Variants in AK9 observed in about 807,000 individuals in gnomAD.
AK9 encodes adenylate kinase 9, also known as adenylate kinase domain containing 1.
In AK9, 191 loss-of-function variants were observed where a neutral mutation model predicts 239.6. The ratio of observed to expected loss-of-function variants is 0.80; its 90% CI spans 0.71 to 0.90. The LOEUF is 0.90. AK9 is among the 40% of genes least tolerant of loss of function. The pLI is 0.00. For synonymous variants in AK9, 689 were observed against 721.0 expected (o/e 0.96, Z 0.71); for missense variants, 1,995 against 2,214.7 (o/e 0.90, Z 1.99).
rs543951517 is a variant in AK9, at chr6:109,601,749, G to T, written c.1842+8616C>A. On this transcript the variant is annotated intron_variant, in intron 17 of 40. Coordinates refer to ENST00000424296, the MANE Select transcript of AK9 (RefSeq NM_001145128.3). ...GTAGGTCTCTAAGGACTTGCTTTAT[G>T]AATCTGGGTGCTCCTGTATTGGGTG... 7.9e-3 allele frequency among the ~76,000 whole-genome samples: 1,204 copies of T among 152,300 alleles called. 24 individuals are homozygous for T. The highest frequency in any genetic ancestry group is 0.026 in the African/African-American group (1,065 of 41,546).
chr6:109,546,479 A>G (rs1783582813), intron 25 of AK9, among the ~76,000 whole-genome samples: 1 of 152,282 alleles, frequency 6.6e-6, no homozygotes. Flanking sequence ...TCTATCAAAC[A>G]GAAAGCCCAC....
chr6:109,656,621 G>A, intron 8 of AK9, 135 bp downstream of exon 8: 1 of 1,017,796 alleles, frequency 9.8e-7, no homozygotes. Flanking sequence ...GCCTTTTTCT[G>A]ACAGCTTTCT....
At chr6:109,611,290 C>T (rs940412140) in intron 16 of AK9, among the ~76,000 whole-genome samples, 1 of 152,174 alleles carries the variant, frequency 6.6e-6, no homozygotes, top group Non-Finnish European at 1.5e-5. Context: ...AAAAGACTCA[C>T]AGTTCCTGGA....
chr6:109,579,924 T>G (rs965443418), intron 19 of AK9, among the ~76,000 whole-genome samples: 3 of 152,146 alleles, frequency 2.0e-5, no homozygotes, highest in African/African-American at 7.2e-5. Flanking sequence ...ATTTGTAGCA[T>G]TTTTCCTCTG....
intron 13 of AK9, among the ~76,000 whole-genome samples, 197 bp from the exon 14 acceptor site, chr6:109,614,677 C>T (rs1323120782): frequency 1.3e-5 from 2 of 151,986 alleles, no homozygotes; most frequent in Non-Finnish European, 2.9e-5. Context: ...GATCTTTAAA[C>T]TGAAAGCACT....
chr6:109,593,727 C>T (rs147737409), intron 17 of AK9, among the ~76,000 whole-genome samples: 3,240 of 152,228 alleles, frequency 0.021, 105 homozygotes, highest in African/African-American at 0.074. Context: ...AATCAATAAA[C>T]GTAATCCATC....
chr6:109,590,314 G>T (rs564501353), intron 17 of AK9, among the ~76,000 whole-genome samples: 3 of 152,140 alleles, frequency 2.0e-5, no homozygotes, highest in East Asian at 3.9e-4. Context: ...ATATTTCTAA[G>T]AACTTATCCA....
intron 21 of AK9, among the ~76,000 whole-genome samples, chr6:109,565,404 G>A (rs1786337339): frequency 6.6e-6 from 1 of 152,114 alleles, no homozygotes; most frequent in Admixed American, 6.6e-5. Flanking sequence ...GATCCCAGGA[G>A]TTCAAGTTAC....
At chr6:109,690,322 T>C (rs1774154446) in intron 1 of AK9, 1 of 152,220 alleles carries the variant, frequency 6.6e-6, no homozygotes, top group African/African-American at 2.4e-5. Flanking sequence ...AAAGGAGACG[T>C]GGTTTTAAAA....
rs145813909 is a variant in AK9, at chr6:109,633,242, A to T, written c.1015T>A (p.Cys339Ser). The change falls in exon 11 of 41, where the codon TGT becomes AGT. Residue 339 changes from cysteine to serine, a missense_variant. Around this residue, in one of 5 missense-constraint regions of AK9, gnomAD observed 1,290 missense variants for 1,392.7 expected, o/e 0.93. Coordinates refer to ENST00000424296, the MANE Select transcript of AK9 (RefSeq NM_001145128.3). The part of the protein sequence containing the change: ...RWQRSKWGRT[C>S]PVNLKDGNIY... ...TTACCATCTTTTAAATTCACAGGAC[A>T]TGTACGTCCCCATTTACTTCTTTGC... The T allele has an allele frequency of 9.9e-5, 160 of 1,609,350 alleles. No individual in the cohort carries two copies. Among genetic ancestry groups the T allele is most frequent in the Non-Finnish European group, 2.0e-5 (24 of 1,179,142 alleles).
In AK9 at chr6:109,575,072, A is replaced by AAT. The variant is rs566593122; in HGVS notation, c.2192-1480_2192-1479dup. Among the ~76,000 whole-genome samples the AAT allele has an allele frequency of 2.5e-4, 38 of 152,070 alleles. No individual in the cohort carries two copies. In the South Asian group the frequency reaches 2.7e-3, roughly 11 times the overall value. ...TTTATGGCTCAGTAGTATTCCATGG[A>AAT]ATATATATATATCACATGTTCTTTA... On this transcript the variant is annotated intron_variant, in intron 20 of 40. Transcript: ENST00000424296.
chr6:109,547,846 CAAAAAAA>C (rs55899214), intron 25 of AK9, among the ~76,000 whole-genome samples: 2 of 121,850 alleles, frequency 1.6e-5, no homozygotes, highest in Admixed American at 7.8e-5. Flanking sequence ...AGCTCAGTAG[CAAAAAAA>C]AAAAAAAAAA....
chr6:109,546,377 T>G (rs1276349814), intron 25 of AK9, among the ~76,000 whole-genome samples: 3 of 152,258 alleles, frequency 2.0e-5, no homozygotes, highest in Non-Finnish European at 4.4e-5. Context: ...CCAAAAGGCA[T>G]TTAATAAAAT....
At chr6:109,564,387 A>G in intron 22 of AK9, 107 bp from the exon 23 acceptor site, 1 of 772,764 alleles carries the variant, frequency 1.3e-6, no homozygotes, top group Admixed American at 3.3e-5. Context: ...ACAGTTAAAA[A>G]AATAATATTC....
intron 24 of AK9, among the ~76,000 whole-genome samples, chr6:109,559,195 G>A (rs1170877148): frequency 1.3e-5 from 2 of 149,926 alleles, no homozygotes; most frequent in African/African-American, 4.9e-5. Context: ...TTGAGATGGG[G>A]TCTCTCTCTG....
chr6:109,502,872 A>G (rs770395303), intron 35 of AK9, among the ~76,000 whole-genome samples: 1 of 152,096 alleles, frequency 6.6e-6, no homozygotes, highest in East Asian at 1.9e-4. Context: ...AGAAAAGACC[A>G]TAGTCTTGGC....
intron 18 of AK9, 43 bp from the exon 19 acceptor site, chr6:109,585,280 T>C (rs746668059): frequency 9.0e-5 from 56 of 623,794 alleles, no homozygotes; most frequent in Non-Finnish European, 2.1e-5. Flanking sequence ...TTGTAGCTTA[T>C]AAAATACAGT....
intron 24 of AK9, among the ~76,000 whole-genome samples, chr6:109,558,023 C>T (rs1785236801): frequency 1.3e-5 from 2 of 151,986 alleles, no homozygotes; most frequent in South Asian, 4.2e-4. Context: ...ACCTATTAGC[C>T]ATCTGTATAT....
At chr6:109,615,781 A>T (rs192162361) in intron 13 of AK9, among the ~76,000 whole-genome samples, 2 of 152,330 alleles carry the variant, frequency 1.3e-5, no homozygotes, top group Admixed American at 1.3e-4. Flanking sequence ...CAAGCATGCA[A>T]AATGTTGAGA....
Sources: gnomAD v4.1 joint callset for allele counts (sites outside exome capture counted in the v4.1 genomes callset) on GRCh38, gnomAD v4.1.1 for gene constraint, gnomAD v4.1.1 regional missense constraint, MANE v1.5 for transcripts, NCBI Gene and HGNC (gene_info 2026-07-23, HGNC 2026-07-21) for gene names.